ANKRD36: variants seen among roughly 807,000 people sequenced by gnomAD.
ANKRD36 encodes ankyrin repeat domain-containing protein 36A.
A neutral mutation model predicts 278.1 loss-of-function variants in ANKRD36; 179 were observed. The ratio of observed to expected loss-of-function variants is 0.64; its 90% CI spans 0.57 to 0.73. ANKRD36 has a LOEUF of 0.73. ANKRD36 is among the 30% of genes least tolerant of loss of function. ANKRD36 has a pLI of 0.00. For missense variants in ANKRD36, 1,159 were observed against 1,956.7 expected, an observed-to-expected ratio of 0.59 and a Z score of 7.69; for synonymous variants, 320 against 641.1, an observed-to-expected ratio of 0.50 and a Z score of 7.57.
chr2:97,126,779 G>A (rs549775677), intron 5 of ANKRD36, among the ~76,000 whole-genome samples: 76 of 151,434 alleles, frequency 5.0e-4, no homozygotes, highest in African/African-American at 1.8e-3. Flanking sequence ...ATACCTGTTG[G>A]CTATAGAGCC....
At chr2:97,199,854 A>G (rs906335264) in intron 44 of ANKRD36, among the ~76,000 whole-genome samples, 7 of 151,924 alleles carry the variant, frequency 4.6e-5, no homozygotes, top group Admixed American at 4.6e-4. Flanking sequence ...TGTACGTTCA[A>G]CTGGAGTGTC....
intron 1 of ANKRD36, among the ~76,000 whole-genome samples, chr2:97,115,376 C>T (rs984935665): frequency 6.6e-6 from 1 of 151,902 alleles, no homozygotes; most frequent in African/African-American, 2.4e-5. Flanking sequence ...CTACAAATAT[C>T]ACAAGCACAC....
In ANKRD36 at chr2:97,209,821, T is replaced by A; in HGVS notation, c.3316T>A (p.Ser1106Thr). The A allele has an allele frequency of 6.3e-7, 1 of 1,599,278 alleles. No homozygotes were observed. The highest frequency in any genetic ancestry group is 8.5e-7 in the Non-Finnish European group (1 of 1,175,214). Residue 1106 changes from serine to threonine, a missense_variant, in exon 56 of 76, where the codon TCT (serine) becomes ACT (threonine). Coordinates refer to ENST00000420699, the MANE Select transcript of ANKRD36 (RefSeq NM_001354587.1). ...ALKATSDEKD[S>T]VLYIAREKKD... ...TCAGGCTACAAGTGACGAGAAAGAT[T>A]CTGTTTTGTATATAGCCAGAGAAAA...
chr2:97,208,893 A>G (rs2063597744), intron 54 of ANKRD36, among the ~76,000 whole-genome samples: 1 of 146,780 alleles, frequency 6.8e-6, no homozygotes, highest in Non-Finnish European at 1.5e-5. Context: ...TTTTCAATGA[A>G]TATTGCAGTG....
chr2:97,204,130 A>T (rs1178157967), intron 49 of ANKRD36, 34 bp downstream of exon 49: 1 of 1,573,868 alleles, frequency 6.4e-7, no homozygotes, highest in Non-Finnish European at 8.6e-7. Flanking sequence ...GTGAACTAGT[A>T]AATGTATAGT....
chr2:97,196,073 T>TGTAG (rs1270042113), intron 40 of ANKRD36, among the ~76,000 whole-genome samples: 1 of 151,994 alleles, frequency 6.6e-6, no homozygotes, highest in East Asian at 1.9e-4. Flanking sequence ...AGGTGATCAA[T>TGTAG]GTAGGACACT....
At chr2:97,130,420 G>A (rs1485413501) in intron 6 of ANKRD36, among the ~76,000 whole-genome samples, 1 of 135,864 alleles carries the variant, frequency 7.4e-6, no homozygotes, top group African/African-American at 2.7e-5. Context: ...CACAGGAAGG[G>A]GAACATCACA....
At chr2:97,218,757 C>T (rs1158561957) in intron 64 of ANKRD36, among the ~76,000 whole-genome samples, 1 of 152,068 alleles carries the variant, frequency 6.6e-6, no homozygotes, top group Non-Finnish European at 1.5e-5. Context: ...TTTTAGATCA[C>T]ATTTCTCCTT....
At chr2:97,202,114 A>T in intron 46 of ANKRD36, 88 bp from the exon 47 acceptor site, 1 of 1,587,780 alleles carries the variant, frequency 6.3e-7, no homozygotes, top group Non-Finnish European at 8.5e-7. Context: ...AGGCAGGAGG[A>T]CAGAGGTTGA....
intron 3 of ANKRD36, among the ~76,000 whole-genome samples, chr2:97,120,725 A>G (rs1371112786): frequency 6.6e-6 from 1 of 152,122 alleles, no homozygotes; most frequent in East Asian, 1.9e-4. Flanking sequence ...ATTTTACATG[A>G]AAATACTTGT....
intron 30 of ANKRD36, among the ~76,000 whole-genome samples, chr2:97,185,846 A>C (rs144010171): frequency 0.024 from 3,594 of 151,886 alleles, 152 homozygotes; most frequent in African/African-American, 0.081. Context: ...TGAAGTATAG[A>C]TTTTACAGAC....
chr2:97,194,643 G>A, intron 38 of ANKRD36, 83 bp from the exon 39 acceptor site: 2 of 1,582,482 alleles, frequency 1.3e-6, no homozygotes, highest in Non-Finnish European at 1.7e-6. Context: ...GGAGGACAGA[G>A]GTTGATGCTA....
chr2:97,216,150 T>G (rs2065877632), intron 62 of ANKRD36, among the ~76,000 whole-genome samples: 2 of 151,972 alleles, frequency 1.3e-5, no homozygotes, highest in Non-Finnish European at 2.9e-5. Flanking sequence ...CACTGACTCG[T>G]TACTCCTCTT....
intron 1 of ANKRD36, among the ~76,000 whole-genome samples, chr2:97,116,316 C>T (rs1432939521): frequency 6.6e-6 from 1 of 152,054 alleles, no homozygotes; most frequent in Non-Finnish European, 1.5e-5. Flanking sequence ...CACCCTGTTG[C>T]CCAGCCTGGA....
At chr2:97,116,695 GT>G (rs2035472204) in intron 1 of ANKRD36, among the ~76,000 whole-genome samples, 2 of 151,968 alleles carry the variant, frequency 1.3e-5, no homozygotes, top group Admixed American at 1.3e-4. Context: ...ACATAAATAG[GT>G]TTTTATTATA....
At chr2:97,190,085 A>C (rs2058172556) in intron 34 of ANKRD36, among the ~76,000 whole-genome samples, 1 of 88,630 alleles carries the variant, frequency 1.1e-5, no homozygotes, top group South Asian at 2.5e-4. Context: ...TAGCTATTTC[A>C]TGAAACTTCT....
chr2:97,196,362 C>A (rs975926343), intron 40 of ANKRD36, among the ~76,000 whole-genome samples: 2 of 151,928 alleles, frequency 1.3e-5, no homozygotes, highest in Non-Finnish European at 1.5e-5. Flanking sequence ...GTTTTCGACA[C>A]ATGAGAAATC....
rs1160868710 is a variant in ANKRD36, at chr2:97,211,578, A to G, written c.3396+4A>G. The G allele has an allele frequency of 6.2e-7, 1 of 1,607,076 alleles. No individual in the cohort carries two copies. The highest frequency in any genetic ancestry group is 8.5e-7 in the Non-Finnish European group (1 of 1,175,638). On this transcript the variant is annotated splice_donor_region_variant and intron_variant, in intron 57 of 75. Coordinates refer to ENST00000420699, the MANE Select transcript of ANKRD36 (RefSeq NM_001354587.1). ...TCCGAAACAACCAGCATTGAAGGTA[A>G]TTAAGCTCTCATTTATATTTTGAAC... is the stretch of plus-strand genomic sequence containing the variant.
At chr2:97,121,363 G>A (rs1242551742) in intron 3 of ANKRD36, among the ~76,000 whole-genome samples, 4 of 151,984 alleles carry the variant, frequency 2.6e-5, no homozygotes, top group Non-Finnish European at 4.4e-5. Context: ...GTAATTGGCC[G>A]AGCGCAGTGG....
Sources: allele counts gnomAD v4.1 joint callset (sites outside exome capture counted in the v4.1 genomes callset), GRCh38; gene constraint gnomAD v4.1.1; transcripts MANE v1.5; gene names NCBI Gene and HGNC (gene_info 2026-07-23, HGNC 2026-07-21).